ADAD1: variants seen among roughly 807,000 people sequenced by gnomAD.
The protein encoded by ADAD1 is adenosine deaminase domain containing 1, also known as adenosine deaminase domain-containing protein 1.
A neutral mutation model predicts 66.8 loss-of-function variants in ADAD1; 46 were observed. That is an observed-to-expected ratio of 0.69 (90% CI 0.54 to 0.88). The LOEUF (loss-of-function observed/expected upper bound fraction) is 0.88. Ranked by LOEUF, ADAD1 falls within the 40% of genes least tolerant of loss-of-function variation. The probability of loss-of-function intolerance (pLI) is 0.00; values close to 1 mark genes in which losing one functional copy is unlikely to be tolerated. For synonymous variants in ADAD1, 248 were observed against 229.4 expected, an observed-to-expected ratio of 1.08 and a Z score of -0.73; for missense variants, 617 against 681.8, an observed-to-expected ratio of 0.91 and a Z score of 1.06.
intron 11 of ADAD1, among the ~76,000 whole-genome samples, chr4:122,420,190 G>A (rs1796938918): frequency 6.6e-6 from 1 of 152,220 alleles, no homozygotes; most frequent in Non-Finnish European, 1.5e-5. Flanking sequence ...AATAGATTTT[G>A]TACACATGAG....
intron 7 of ADAD1, among the ~76,000 whole-genome samples, chr4:122,403,780 A>G (rs1314593562): frequency 6.6e-6 from 1 of 152,148 alleles, no homozygotes; most frequent in Non-Finnish European, 1.5e-5. Context: ...GGCTACCAGC[A>G]TAGGTTGAGA....
In ADAD1 at chr4:122,421,391, G is replaced by T; in HGVS notation, c.1617+1G>T. ...AGCTGGTACATATCATGCAGCTAAG[G>T]TAAGTCCTTAAAGGAATAAAGTTAT... On this transcript the variant is annotated splice_donor_variant, in intron 12 of 12. Transcript: ENST00000296513. LOFTEE classifies it high-confidence loss of function. 6.3e-7 allele frequency: 1 copy of T among 1,578,662 alleles called. No individual in the cohort carries two copies. The highest frequency in any genetic ancestry group is 8.6e-7 in the Non-Finnish European group (1 of 1,158,142).
At chr4:122,400,008 G>A (rs980996328) in intron 7 of ADAD1, among the ~76,000 whole-genome samples, 4 of 151,952 alleles carry the variant, frequency 2.6e-5, no homozygotes, top group African/African-American at 9.7e-5. Context: ...TCTTTTGTCA[G>A]GTTGCTCTGG....
chr4:122,411,362 C>T lies in ADAD1; in HGVS notation c.989C>T (p.Pro330Leu). 1.2e-6 allele frequency: 2 copies of T among 1,612,584 alleles called. No individual in the cohort carries two copies. The highest frequency in any genetic ancestry group is 1.7e-6 in the Non-Finnish European group (2 of 1,179,488). Residue 330 changes from proline to leucine, a missense_variant, in exon 9 of 13, where the codon CCT becomes CTT. Coordinates refer to ENST00000296513, the MANE Select transcript of ADAD1 (RefSeq NM_139243.4). The stretch of plus-strand genomic sequence containing the variant: ...ATTTGCCTTTACATGAACCAGTTGC[C>T]TAAAGGATCAGCCCAGATTAAGTCA... Reference protein sequence around the residue: ...INICLYMNQLPKGSAQIKSQL... With the variant: ...INICLYMNQLLKGSAQIKSQL...
intron 7 of ADAD1, among the ~76,000 whole-genome samples, chr4:122,400,541 C>G (rs1190572901): frequency 1.3e-5 from 2 of 152,056 alleles, no homozygotes; most frequent in Admixed American, 6.6e-5. Context: ...GGATCATTCC[C>G]TCTTTCTCCA....
intron 5 of ADAD1, among the ~76,000 whole-genome samples, chr4:122,391,147 G>A (rs1359616161): frequency 6.6e-6 from 1 of 152,082 alleles, no homozygotes; most frequent in East Asian, 1.9e-4. Context: ...GTCTGTTGGG[G>A]TTCACTTCAG....
In ADAD1 at chr4:122,379,121, C is replaced by G. The variant is rs577719084; in HGVS notation, c.-83+6C>G. 2.2e-4 allele frequency: 33 copies of G among 152,434 alleles called. No individual in the cohort carries two copies. The highest frequency in any genetic ancestry group is 7.5e-4 in the African/African-American group (31 of 41,566). 9.4% of individuals were successfully genotyped at this position (152,434 alleles called of 1,614,324 possible). ...TTGAAACAACCCTCACGCAGGTACC[C>G]CTTGGGCAGCCTTCAACCGCTCTGG... On this transcript the variant is annotated splice_donor_region_variant and intron_variant, in intron 1 of 12. Coordinates refer to ENST00000296513, the MANE Select transcript of ADAD1 (RefSeq NM_139243.4).
intron 10 of ADAD1, among the ~76,000 whole-genome samples, chr4:122,414,095 A>G (rs1450771640): frequency 6.6e-6 from 1 of 150,702 alleles, no homozygotes; most frequent in Non-Finnish European, 1.5e-5. Flanking sequence ...TAATGCACAC[A>G]TATATGAAGG....
At chr4:122,384,163 G>T (rs568532492) in intron 5 of ADAD1, among the ~76,000 whole-genome samples, 197 bp downstream of exon 5, 10 of 152,314 alleles carry the variant, frequency 6.6e-5, no homozygotes, top group African/African-American at 2.2e-4. Context: ...GCACTGAAAG[G>T]TATAATCATG....
intron 3 of ADAD1, 134 bp from the exon 4 acceptor site, chr4:122,380,858 T>G (rs1794862309): frequency 2.5e-6 from 2 of 799,486 alleles, no homozygotes; most frequent in South Asian, 2.0e-5. Context: ...CAAAATTGTT[T>G]AGTAGAAACT....
intron 12 of ADAD1, among the ~76,000 whole-genome samples, chr4:122,422,601 G>A (rs999763923): frequency 6.6e-6 from 1 of 152,080 alleles, no homozygotes; most frequent in Non-Finnish European, 1.5e-5. Flanking sequence ...AATTACAGGT[G>A]TATGTATACA....
intron 6 of ADAD1, among the ~76,000 whole-genome samples, chr4:122,395,570 A>G (rs1795667755): frequency 6.6e-6 from 1 of 152,020 alleles, no homozygotes; most frequent in Non-Finnish European, 1.5e-5. Context: ...AGTCCCAACT[A>G]CTTGGGAGGC....
At position 122,407,942 on chromosome 4, in the gene ADAD1, T is replaced by C; in HGVS notation, c.759T>C (p.Gly253=). The change falls in exon 8 of 13, where the codon GGT becomes GGC. Residue 253 remains glycine, a synonymous_variant. Transcript: ENST00000296513. ...ATGAGGTTGTAGCTATAGGCACAGG[T>C]GAATACAATTACAGCCAGGACATTA... ...GQHEVVAIGT[G]EYNYSQDIKP... 1.9e-6 allele frequency: 3 copies of C among 1,613,754 alleles called. No homozygotes were observed. The highest frequency in any genetic ancestry group is 2.5e-6 in the Non-Finnish European group (3 of 1,179,766).
At chr4:122,424,462 G>A (rs1423124177) in intron 12 of ADAD1, among the ~76,000 whole-genome samples, 10 of 151,982 alleles carry the variant, frequency 6.6e-5, no homozygotes, top group Non-Finnish European at 1.3e-4. Flanking sequence ...GTAAGAAATC[G>A]CTCTATATTG....
At chr4:122,428,652 G>A (rs1797369835) in intron 12 of ADAD1, among the ~76,000 whole-genome samples, 3 of 152,128 alleles carry the variant, frequency 2.0e-5, no homozygotes, top group Admixed American at 2.0e-4. Flanking sequence ...GACATAACAG[G>A]ATCCTTATTG....
intron 5 of ADAD1, among the ~76,000 whole-genome samples, chr4:122,392,266 A>C (rs1462179868): frequency 6.6e-6 from 1 of 152,248 alleles, no homozygotes; most frequent in Non-Finnish European, 1.5e-5. Context: ...TCATCTCTGC[A>C]CTATTCACAA....
chr4:122,413,851 CATATATAT>C (rs377322878), intron 10 of ADAD1, among the ~76,000 whole-genome samples: 15 of 126,604 alleles, frequency 1.2e-4, no homozygotes, highest in South Asian at 5.1e-4. Context: ...TATGATAGAT[CATATATAT>C]ATATATATAT....
chr4:122,394,227 T>C (rs1176776941), intron 6 of ADAD1, among the ~76,000 whole-genome samples: 2 of 152,194 alleles, frequency 1.3e-5, no homozygotes, highest in Admixed American at 6.5e-5. Context: ...TAACACACCA[T>C]AGATACTCAC....
chr4:122,426,483 A>G (rs1320479522), intron 12 of ADAD1, among the ~76,000 whole-genome samples: 1 of 152,204 alleles, frequency 6.6e-6, no homozygotes, highest in African/African-American at 2.4e-5. Context: ...TCATTTTACA[A>G]GTCCAGTGTT....
Sources: allele counts gnomAD v4.1 joint callset (sites outside exome capture counted in the v4.1 genomes callset), GRCh38; gene constraint gnomAD v4.1.1; transcripts MANE v1.5; gene names NCBI Gene and HGNC (gene_info 2026-07-23, HGNC 2026-07-21).